The following ISG15 variants were observed in gnomAD, a reference collection of about 807,000 sequenced individuals.
The protein encoded by ISG15 is ubiquitin-like protein ISG15.
Under a neutral mutation model 2.4 loss-of-function variants are expected in ISG15, and 2 were observed. The observed-to-expected ratio is 0.82, with a 90% CI of 0.33 to 2.57. The LOEUF is 2.57. Ranked by LOEUF, ISG15 falls within the 30% of genes most tolerant of loss-of-function variation. ISG15 has a pLI of 0.11. For synonymous variants in ISG15, 116 were observed against 108.1 expected, an observed-to-expected ratio of 1.07 and a Z score of -0.45; for missense variants, 224 against 228.4, an observed-to-expected ratio of 0.98 and a Z score of 0.13.
intron 1 of ISG15, 141 bp from the exon 2 acceptor site, chr1:1,013,843 G>T: frequency 8.3e-7 from 1 of 1,210,590 alleles, no homozygotes; most frequent in East Asian, 2.4e-5. Context: ...TCTGTGCCTG[G>T]GGTCCCTGCC....
rs61766284 is a variant in ISG15 at position 1,014,217 on chromosome 1, C to G, written c.237C>G (p.Asp79Glu). The G allele has an allele frequency of 6.2e-7, 1 of 1,613,538 alleles. No individual in the cohort carries two copies. Among genetic ancestry groups the G allele is most frequent in the Admixed American group, 1.7e-5 (1 of 60,036 alleles). Residue 79 changes from aspartate (D) to glutamate (E), a missense_variant, in exon 2 of 2, where the codon GAC (aspartate) becomes GAG (glutamate). By Grantham distance (45) the Asp-to-Glu change is conservative. Coordinates refer to ENST00000649529, the MANE Select transcript of ISG15 (RefSeq NM_005101.4). ...TCCTGCTGGTGGTGGACAAATGCGA[C>G]GAACCTCTGAGCATCCTGGTGAGGA... ...STVLLVVDKCDEPLSILVRNN... is the reference protein window; with the variant it reads ...STVLLVVDKCEEPLSILVRNN...
Position 1,013,542 on chromosome 1 carries a change from G to C in ISG15, c.-32G>C, listed in dbSNP as rs746380031. 3 of 1,612,980 alleles carry C rather than the reference G, an allele frequency of 1.9e-6. No homozygotes were observed. Among genetic ancestry groups the C allele is most frequent in the East Asian group, 4.5e-5 (2 of 44,880 alleles). ...CTCATCTTTGCCAGTACAGGAGCTT[G>C]TGCCGTGGCCCACAGCCCACAGCCC... On this transcript the variant is annotated 5_prime_UTR_variant, in exon 1 of 2. Coordinates refer to ENST00000649529, the MANE Select transcript of ISG15 (RefSeq NM_005101.4).
chr1:1,014,471 G>C lies in ISG15; in HGVS notation c.491G>C (p.Arg164Pro), dbSNP rs140447219. Residue 164 changes from arginine to proline, a missense_variant, in exon 2 of 2, where the codon CGG (arginine) becomes CCG (proline). Coordinates refer to ENST00000649529, the MANE Select transcript of ISG15 (RefSeq NM_005101.4). The part of the protein sequence containing the change: ...LRGGGTEPGG[R>P]S Reference sequence around the variant, plus strand: ...GGAGGCGGCACAGAGCCTGGCGGGCGGAGCTAAGGGCCTCCACCAGCATCC... The same window carrying C: ...GGAGGCGGCACAGAGCCTGGCGGGCCGAGCTAAGGGCCTCCACCAGCATCC... 216 of 1,600,986 alleles carry C rather than the reference G, an allele frequency of 1.3e-4. 2 individuals carry two copies. The African/African-American group carries it at 2.4e-3, about 18-fold the overall frequency.
chr1:1,013,852 C>T, intron 1 of ISG15, 132 bp from the exon 2 acceptor site: 2 of 1,286,058 alleles, frequency 1.6e-6, no homozygotes, highest in South Asian at 1.4e-5. Flanking sequence ...GGGGTCCCTG[C>T]CGGCGGGATG....
chr1:1,014,112 T>G lies in ISG15; in HGVS notation c.132T>G (p.Arg44=), dbSNP rs1463252918. ...TCGGCGTGCACGCCTTCCAGCAGCG[T>G]CTGGCTGTCCACCCGAGCGGTGTGG... is the stretch of plus-strand genomic sequence containing the variant. ...QKIGVHAFQQ[R]LAVHPSGVAL... The change falls in exon 2 of 2, where the codon CGT becomes CGG. Residue 44 remains arginine, a synonymous_variant. Coordinates refer to ENST00000649529, the MANE Select transcript of ISG15 (RefSeq NM_005101.4). The G allele has an allele frequency of 1.9e-6, 3 of 1,613,118 alleles. No homozygotes were observed. In the African/African-American group the frequency reaches 4.0e-5, roughly 22 times the overall value.
intron 1 of ISG15, 92 bp downstream of exon 1, chr1:1,013,668 G>C: frequency 7.0e-7 from 1 of 1,423,156 alleles, no homozygotes; most frequent in Admixed American, 1.8e-5. Context: ...GGGGTGCAGG[G>C]AGAGCGGAGC....
chr1:1,013,590 C>T lies in ISG15; in HGVS notation c.3+14C>T. 5 of 1,613,412 alleles carry T rather than the reference C, an allele frequency of 3.1e-6. No homozygotes were observed. The highest frequency in any genetic ancestry group is 4.2e-6 in the Non-Finnish European group (5 of 1,179,796). ...CCCACAGCCATGGTAAGGCAGATGT[C>T]ACAGGTGGGGGGAGGTGGGCTCTGT... On this transcript the variant is annotated intron_variant, in intron 1 of 1. Transcript: ENST00000649529.
chr1:1,013,700 C>T (rs1255254550), intron 1 of ISG15, 124 bp downstream of exon 1: 3 of 1,140,964 alleles, frequency 2.6e-6, no homozygotes, highest in Non-Finnish European at 3.8e-6. Context: ...TGGCCAGGTT[C>T]TAAGTGTGCT....
In ISG15 at chr1:1,013,527, C is replaced by T. The variant is rs1171085122; in HGVS notation, c.-47C>T. The T allele has an allele frequency of 1.2e-6, 2 of 1,608,640 alleles. No individual in the cohort carries two copies. The highest frequency in any genetic ancestry group is 8.5e-7 in the Non-Finnish European group (1 of 1,175,646). ...CTGAGAGGCAGCGAACTCATCTTTG[C>T]CAGTACAGGAGCTTGTGCCGTGGCC... On this transcript the variant is annotated 5_prime_UTR_variant, in exon 1 of 2. Coordinates refer to ENST00000649529, the MANE Select transcript of ISG15 (RefSeq NM_005101.4).
Position 1,014,513 on chromosome 1 carries a change from C to A in ISG15, c.*35C>A. The A allele has an allele frequency of 6.4e-7, 1 of 1,561,342 alleles. No homozygotes were observed. Among genetic ancestry groups the A allele is most frequent in the Non-Finnish European group, 8.7e-7 (1 of 1,154,602 alleles). ...CCAGCATCCGAGCAGGATCAAGGGC[C>A]GGAAATAAAGGCTGTTGTAAAGAGA... On this transcript the variant is annotated 3_prime_UTR_variant, in exon 2 of 2. Coordinates refer to ENST00000649529, the MANE Select transcript of ISG15 (RefSeq NM_005101.4).
At chr1:1,013,604 G>C in intron 1 of ISG15, 28 bp downstream of exon 1, 1 of 1,612,802 alleles carries the variant, frequency 6.2e-7, no homozygotes, top group South Asian at 1.1e-5. Context: ...GGTGGGGGGA[G>C]GTGGGCTCTG....
chr1:1,013,719 C>T (rs1189334835), intron 1 of ISG15, 143 bp downstream of exon 1: 10 of 1,035,258 alleles, frequency 9.7e-6, no homozygotes, highest in Non-Finnish European at 1.4e-5. Context: ...CTCCTGAAAG[C>T]AGGTCACCCC....
Position 1,013,558 on chromosome 1 carries a change from C to G in ISG15, c.-16C>G. 2 of 1,613,280 alleles carry G rather than the reference C, an allele frequency of 1.2e-6. No individual in the cohort carries two copies. The highest frequency in any genetic ancestry group is 8.5e-7 in the Non-Finnish European group (1 of 1,179,678). The stretch of plus-strand genomic sequence containing the variant: ...CAGGAGCTTGTGCCGTGGCCCACAG[C>G]CCACAGCCCACAGCCATGGTAAGGC... On this transcript the variant is annotated 5_prime_UTR_variant, in exon 1 of 2. Coordinates refer to ENST00000649529, the MANE Select transcript of ISG15 (RefSeq NM_005101.4).
intron 1 of ISG15, 94 bp from the exon 2 acceptor site, chr1:1,013,890 C>T: frequency 1.4e-6 from 2 of 1,470,632 alleles, no homozygotes; most frequent in South Asian, 1.3e-5. Context: ...GGAGCACTGT[C>T]CCTGGGTACA....
Position 1,014,431 on chromosome 1 carries a change from A to G in ISG15, c.451A>G (p.Asn151Asp), listed in dbSNP as rs1428154687. The change falls in exon 2 of 2, where the codon AAT becomes GAT. Residue 151 changes from asparagine (N) to aspartate (D), a missense_variant. Transcript: ENST00000649529. ...GLKPLSTVFMNLRLRGGGTEP... is the reference protein window; with the variant it reads ...GLKPLSTVFMDLRLRGGGTEP... ...CAAGCCCCTGAGCACCGTGTTCATG[A>G]ATCTGCGCCTGCGGGGAGGCGGCAC... is the stretch of plus-strand genomic sequence containing the variant. 2 of 1,611,078 alleles carry G rather than the reference A, an allele frequency of 1.2e-6. No homozygotes were observed. Among genetic ancestry groups the G allele is most frequent in the Non-Finnish European group, 1.7e-6 (2 of 1,178,306 alleles).
Position 1,013,987 on chromosome 1 carries a change from T to C in ISG15, c.7T>C (p.Trp3Arg). Reference protein sequence around the residue: MGWDLTVKMLAGN... With the variant: MGRDLTVKMLAGN... ...TGAACCTGTGTGACGCCTGCAGGGC[T>C]GGGACCTGACGGTGAAGATGCTGGC... is the stretch of plus-strand genomic sequence containing the variant. Residue 3 changes from tryptophan to arginine, a missense_variant, in exon 2 of 2, where the codon TGG becomes CGG. Transcript: ENST00000649529. 8 of 1,596,286 alleles carry C rather than the reference T, an allele frequency of 5.0e-6. No homozygotes were observed. The highest frequency in any genetic ancestry group is 6.9e-6 in the Non-Finnish European group (8 of 1,167,684).
rs1126663 is a variant in ISG15 at position 1,014,181 on chromosome 1, C to T, written c.201C>T (p.Pro67=). ...CCCTTGCCAGCCAGGGCCTGGGCCC[C>T]GGCAGCACGGTCCTGCTGGTGGTGG... ...RVPLASQGLG[P]GSTVLLVVDK... Residue 67 remains proline, a synonymous_variant, in exon 2 of 2, where the codon CCC becomes CCT. Coordinates refer to ENST00000649529, the MANE Select transcript of ISG15 (RefSeq NM_005101.4). 9.3e-6 allele frequency: 15 copies of T among 1,613,000 alleles called. No homozygotes were observed. Among genetic ancestry groups the T allele is most frequent in the East Asian group, 4.5e-5 (2 of 44,884 alleles).
rs747440752 is a variant in ISG15, at chr1:1,013,538, G to A, written c.-36G>A. The A allele has an allele frequency of 1.2e-6, 2 of 1,612,446 alleles. No individual in the cohort carries two copies. Among genetic ancestry groups the A allele is most frequent in the East Asian group, 4.5e-5 (2 of 44,876 alleles). Reference sequence around the variant, plus strand: ...CGAACTCATCTTTGCCAGTACAGGAGCTTGTGCCGTGGCCCACAGCCCACA... The same window carrying A: ...CGAACTCATCTTTGCCAGTACAGGAACTTGTGCCGTGGCCCACAGCCCACA... On this transcript the variant is annotated 5_prime_UTR_variant, in exon 1 of 2. Coordinates refer to ENST00000649529, the MANE Select transcript of ISG15 (RefSeq NM_005101.4).
chr1:1,013,825 C>A (rs943049016), intron 1 of ISG15, among the ~76,000 whole-genome samples, 159 bp from the exon 2 acceptor site: 9 of 152,228 alleles, frequency 5.9e-5, no homozygotes, highest in Non-Finnish European at 1.3e-4. Context: ...AACGAGCCCT[C>A]AGTGCCTTCT....
Sources: gnomAD v4.1 joint callset for allele counts (sites outside exome capture counted in the v4.1 genomes callset) on GRCh38, gnomAD v4.1.1 for gene constraint, MANE v1.5 for transcripts, NCBI Gene and HGNC (gene_info 2026-07-23, HGNC 2026-07-21) for gene names.